The following PLXDC2 variants were observed in gnomAD, a reference collection of about 807,000 sequenced individuals.
PLXDC2 encodes the protein plexin domain containing 2.
In PLXDC2, 40 loss-of-function variants were observed where a neutral mutation model predicts 68.9. That is an observed-to-expected ratio of 0.58 (90% CI 0.45 to 0.76). The LOEUF is 0.76. PLXDC2 is among the 30% of genes least tolerant of loss of function. PLXDC2 has a pLI of 0.00. For synonymous variants in PLXDC2, 243 were observed against 234.2 expected, an observed-to-expected ratio of 1.04 and a Z score of -0.34; for missense variants, 644 against 661.9, an observed-to-expected ratio of 0.97 and a Z score of 0.30.
At chr10:20,047,505 G>GA (rs1375834376) in intron 3 of PLXDC2, among the ~76,000 whole-genome samples, 1 of 151,964 alleles carries the variant, frequency 6.6e-6, no homozygotes, top group African/African-American at 2.4e-5. Context: ...TTAATATAAA[G>GA]AAAAATAATA....
intron 1 of PLXDC2, among the ~76,000 whole-genome samples, chr10:19,944,002 G>A (rs186216037): frequency 5.1e-4 from 77 of 152,222 alleles, no homozygotes; most frequent in Non-Finnish European, 6.6e-4. Flanking sequence ...CTAAAAACTC[G>A]TGGGCTAATT....
intron 4 of PLXDC2, among the ~76,000 whole-genome samples, chr10:20,083,195 G>C (rs895819080): frequency 2.6e-5 from 4 of 152,036 alleles, no homozygotes; most frequent in African/African-American, 9.7e-5. Flanking sequence ...ACTATGTGCG[G>C]CCGGGCGGGG....
chr10:20,219,413 C>A (rs1418824622), intron 12 of PLXDC2, among the ~76,000 whole-genome samples: 2 of 152,136 alleles, frequency 1.3e-5, no homozygotes, highest in Non-Finnish European at 2.9e-5. Context: ...ATCTACACAG[C>A]TACAGGTATT....
chr10:20,229,517 C>A (rs966671147), intron 12 of PLXDC2, among the ~76,000 whole-genome samples: 1,042 of 105,306 alleles, frequency 9.9e-3, no homozygotes, highest in East Asian at 0.018. Context: ...CCACTTTAAG[C>A]AAAAAAAAAA....
At chr10:20,071,028 C>G in intron 4 of PLXDC2, 1 of 151,594 alleles carries the variant, frequency 6.6e-6, no homozygotes, top group East Asian at 1.9e-4. Context: ...GAAGAAAACA[C>G]TAATGTAAAG....
chr10:20,270,892 G>A (rs1002245201), intron 13 of PLXDC2, among the ~76,000 whole-genome samples: 6 of 151,312 alleles, frequency 4.0e-5, no homozygotes, highest in African/African-American at 1.5e-4. Flanking sequence ...GTGACAGGAT[G>A]GATTTTAGGC....
chr10:19,817,439 G>C (rs1836374577), intron 1 of PLXDC2, among the ~76,000 whole-genome samples: 1 of 152,206 alleles, frequency 6.6e-6, no homozygotes, highest in South Asian at 2.1e-4. Context: ...GGGTGGTACT[G>C]TCTCCCCAAA....
chr10:20,261,328 G>T lies in PLXDC2; in HGVS notation c.1473+15823G>T, dbSNP rs538943702. 2.0e-5 allele frequency among the ~76,000 whole-genome samples: 3 copies of T among 152,208 alleles called. No homozygotes were observed. The South Asian group carries it at 6.2e-4, about 32-fold the overall frequency. On this transcript the variant is annotated intron_variant, in intron 13 of 13. Coordinates refer to ENST00000377252, the MANE Select transcript of PLXDC2 (RefSeq NM_032812.9). ...TAGGAATTTGATGGCTTCAGGTCTT[G>T]TATGTAGCCTTTTAATCCATTTTGA...
At chr10:20,027,779 C>T (rs1204314717) in intron 2 of PLXDC2, among the ~76,000 whole-genome samples, 2 of 151,294 alleles carry the variant, frequency 1.3e-5, no homozygotes, top group African/African-American at 4.9e-5. Context: ...ATTTGGAACA[C>T]GTATAGGTGC....
chr10:20,222,980 AGAG>A (rs1439084230), intron 12 of PLXDC2, among the ~76,000 whole-genome samples: 1 of 152,216 alleles, frequency 6.6e-6, no homozygotes, highest in African/African-American at 2.4e-5. Flanking sequence ...ATGTGAAAGA[AGAG>A]GAGGAAGAAG....
intron 1 of PLXDC2, among the ~76,000 whole-genome samples, chr10:19,837,399 AGAGAGAGAGAGTGT>A (rs570373829): frequency 0.047 from 5,059 of 107,678 alleles, 76 homozygotes; most frequent in East Asian, 0.068. Flanking sequence ...AGAGAGAGAG[AGAGAGAGAGAGTGT>A]GTGTGTGTGT....
At chr10:19,842,641 A>T (rs1340467610) in intron 1 of PLXDC2, among the ~76,000 whole-genome samples, 6 of 152,338 alleles carry the variant, frequency 3.9e-5, no homozygotes, top group Admixed American at 1.3e-4. Flanking sequence ...CCAGAAGATT[A>T]TCTGCAAAAC....
At chr10:20,142,996 G>A (rs1834026480) in intron 4 of PLXDC2, among the ~76,000 whole-genome samples, 1 of 151,940 alleles carries the variant, frequency 6.6e-6, no homozygotes, top group African/African-American at 2.4e-5. Flanking sequence ...TTATAATACT[G>A]TATTAGCATT....
intron 12 of PLXDC2, among the ~76,000 whole-genome samples, chr10:20,231,385 T>C (rs1340750104): frequency 6.6e-6 from 1 of 151,300 alleles, no homozygotes; most frequent in Non-Finnish European, 1.5e-5. Flanking sequence ...TACCAAAATT[T>C]GTAGAATGCT....
At chr10:19,916,501 C>G (rs1456461546) in intron 1 of PLXDC2, among the ~76,000 whole-genome samples, 1 of 151,866 alleles carries the variant, frequency 6.6e-6, no homozygotes, top group African/African-American at 2.4e-5. Flanking sequence ...CATAAGCAAT[C>G]AAAGTCTCAA....
intron 1 of PLXDC2, among the ~76,000 whole-genome samples, chr10:19,822,722 A>G (rs1218535105): frequency 6.6e-6 from 1 of 152,058 alleles, no homozygotes; most frequent in Non-Finnish European, 1.5e-5. Context: ...GTATTTCCCT[A>G]ATGATTAGTG....
chr10:20,112,590 A>C (rs1158020806), intron 4 of PLXDC2, among the ~76,000 whole-genome samples: 1 of 152,160 alleles, frequency 6.6e-6, no homozygotes, highest in Non-Finnish European at 1.5e-5. Flanking sequence ...ATCTGTATTA[A>C]GTTGGGAACC....
intron 9 of PLXDC2, among the ~76,000 whole-genome samples, chr10:20,197,623 T>A (rs1284399457): frequency 3.3e-5 from 5 of 152,106 alleles, no homozygotes; most frequent in Non-Finnish European, 2.9e-5. Flanking sequence ...CCCAAAGTGC[T>A]GGGATTAGAG....
intron 2 of PLXDC2, among the ~76,000 whole-genome samples, chr10:20,020,847 T>C (rs2131657309): frequency 6.6e-6 from 1 of 152,264 alleles, no homozygotes; most frequent in Non-Finnish European, 1.5e-5. Flanking sequence ...GAATGAGGTA[T>C]TGCATAAGAT....
Sources: allele counts gnomAD v4.1 joint callset (sites outside exome capture counted in the v4.1 genomes callset), GRCh38; gene constraint gnomAD v4.1.1; transcripts MANE v1.5; gene names NCBI Gene and HGNC (gene_info 2026-07-23, HGNC 2026-07-21).